The following PTPN11 variants were observed in gnomAD, a reference collection of about 807,000 sequenced individuals.
The protein encoded by PTPN11 is protein tyrosine phosphatase non-receptor type 11.
A neutral mutation model predicts 78.8 loss-of-function variants in PTPN11; 6 were observed. That is an observed-to-expected ratio of 0.08 (90% CI 0.04 to 0.15). PTPN11 has a LOEUF of 0.15. Ranked by LOEUF, PTPN11 falls within the 10% of genes least tolerant of loss-of-function variation. The probability of loss-of-function intolerance (pLI) is 1.00; values close to 1 mark genes in which losing one functional copy is unlikely to be tolerated. For synonymous variants in PTPN11, 221 were observed against 263.5 expected (o/e 0.84, Z 1.56); for missense variants, 386 against 744.8 (o/e 0.52, Z 5.61).
intron 1 of PTPN11, among the ~76,000 whole-genome samples, chr12:112,438,683 A>G (rs2037834178): frequency 6.6e-6 from 1 of 152,112 alleles, no homozygotes; most frequent in Non-Finnish European, 1.5e-5. Context: ...GGGTTTCACC[A>G]TGTTGGCTAG....
chr12:112,455,694 A>T (rs1170762135), intron 5 of PTPN11, among the ~76,000 whole-genome samples: 1 of 152,198 alleles, frequency 6.6e-6, no homozygotes, highest in African/African-American at 2.4e-5. Context: ...TGGTCTATTC[A>T]TAAAGAAAAA....
chr12:112,456,154 G>C (rs1456354079), intron 6 of PTPN11, 91 bp downstream of exon 6: 4 of 859,538 alleles, frequency 4.7e-6, no homozygotes, highest in Admixed American at 2.0e-5. Flanking sequence ...TTGGACCTGA[G>C]AGACTTGAAA....
intron 3 of PTPN11, among the ~76,000 whole-genome samples, chr12:112,452,301 A>C (rs1360203572): frequency 6.6e-6 from 1 of 151,974 alleles, no homozygotes; most frequent in Non-Finnish European, 1.5e-5. Context: ...ATCTCAGCTC[A>C]CTGCAACCTC....
chr12:112,472,993 A>T lies in PTPN11; in HGVS notation c.806A>T (p.Gln269Leu), dbSNP rs794727858. 1 of 1,613,186 alleles carries T rather than the reference A, an allele frequency of 6.2e-7. No individual in the cohort carries two copies. The highest frequency in any genetic ancestry group is 1.3e-5 in the African/African-American group (1 of 74,918). Residue 269 changes from glutamine (Q) to leucine (L), a missense_variant, in exon 7 of 16, where the codon CAA becomes CTA. This residue lies in a region of PTPN11 where 279 missense variants were observed against 503.3 expected (regional missense o/e 0.55). Coordinates refer to ENST00000351677, the MANE Select transcript of PTPN11 (RefSeq NM_002834.5). The part of the protein sequence containing the change: ...CKLLYSRKEG[Q>L]RQENKNKNRY... Reference sequence around the variant, plus strand: ...CTTCTCTACAGCCGAAAAGAGGGTCAAAGGCAAGAAAACAAAAACAAAAAT... The same window carrying T: ...CTTCTCTACAGCCGAAAAGAGGGTCTAAGGCAAGAAAACAAAAACAAAAAT...
chr12:112,491,070 A>C (rs1257502509), intron 13 of PTPN11, among the ~76,000 whole-genome samples: 1 of 152,210 alleles, frequency 6.6e-6, no homozygotes, highest in Admixed American at 6.5e-5. Flanking sequence ...TCAGTGAAAA[A>C]AAGGAATGAT....
intron 13 of PTPN11, among the ~76,000 whole-genome samples, chr12:112,493,734 C>T (rs1468417780): frequency 6.6e-6 from 1 of 152,118 alleles, no homozygotes; most frequent in East Asian, 1.9e-4. Context: ...TACATTAGAT[C>T]TCCAAAATGT....
At chr12:112,477,270 G>A (rs1275624781) in intron 7 of PTPN11, among the ~76,000 whole-genome samples, 1 of 152,070 alleles carries the variant, frequency 6.6e-6, no homozygotes, top group Non-Finnish European at 1.5e-5. Flanking sequence ...ACCTGCCTTG[G>A]CCTCCCAAAG....
At chr12:112,467,454 C>T (rs2038348315) in intron 6 of PTPN11, among the ~76,000 whole-genome samples, 2 of 152,036 alleles carry the variant, frequency 1.3e-5, no homozygotes. Context: ...ATCACATGGC[C>T]GGAGTGGTGG....
At chr12:112,446,547 T>C (rs2037997132) in intron 2 of PTPN11, 149 bp downstream of exon 2, 1 of 1,113,574 alleles carries the variant, frequency 9.0e-7, no homozygotes, top group African/African-American at 1.5e-5. Flanking sequence ...AGTGGCCTCC[T>C]GGACATTTAG....
intron 9 of PTPN11, 78 bp from the exon 10 acceptor site, chr12:112,481,996 A>G: frequency 6.9e-7 from 1 of 1,449,374 alleles, no homozygotes; most frequent in East Asian, 2.3e-5. Flanking sequence ...GCAAGACTTG[A>G]ACATTTGTTT....
chr12:112,485,692 A>C (rs1360841597), intron 10 of PTPN11, among the ~76,000 whole-genome samples: 7 of 152,042 alleles, frequency 4.6e-5, no homozygotes, highest in Non-Finnish European at 1.0e-4. Context: ...ATAGAACAAT[A>C]CTGGCCAGGC....
intron 6 of PTPN11, among the ~76,000 whole-genome samples, chr12:112,466,408 A>C (rs1417520388): frequency 6.6e-6 from 1 of 152,210 alleles, no homozygotes; most frequent in Non-Finnish European, 1.5e-5. Context: ...AAAAGAGAGA[A>C]GTTGAAAAGG....
intron 6 of PTPN11, among the ~76,000 whole-genome samples, chr12:112,465,334 T>TAA (rs2038310172): frequency 6.7e-6 from 1 of 150,058 alleles, no homozygotes; most frequent in Non-Finnish European, 1.5e-5. Context: ...CTAGGGAGGC[T>TAA]AAGGCAGGGA....
rs2038958426 is a variant in PTPN11 at position 112,508,142 on chromosome 12, G to C, written c.*2350G>C. The C allele has an allele frequency of 6.6e-6, 1 of 152,626 alleles. No homozygotes were observed. Among genetic ancestry groups the C allele is most frequent in the Non-Finnish European group, 1.5e-5 (1 of 68,034 alleles). The allele number at this position is 152,626 out of a possible 1,614,324, so 9.5% of individuals were successfully genotyped here. ...CATCTCTGCCTGTTGCTTAAGATCA[G>C]TTGCTTTTATACTCAGAATGGAAAT... On this transcript the variant is annotated 3_prime_UTR_variant, in exon 16 of 16. Transcript: ENST00000351677.
In PTPN11 at chr12:112,504,711, G is replaced by A. The variant is rs567223058; in HGVS notation, c.1729G>A (p.Ala577Thr). 2 of 1,586,772 alleles carry A rather than the reference G, an allele frequency of 1.3e-6. No individual in the cohort carries two copies. The highest frequency in any genetic ancestry group is 2.2e-5 in the East Asian group (1 of 44,740). The change falls in exon 15 of 16, where the codon GCT (alanine) becomes ACT (threonine). Residue 577 changes from alanine (A) to threonine (T), a missense_variant. Around this residue, in one of 3 missense-constraint regions of PTPN11, gnomAD observed 44 missense variants for 59.3 expected, o/e 0.74. Coordinates refer to ENST00000351677, the MANE Select transcript of PTPN11 (RefSeq NM_002834.5). The surrounding 1 kb of genome is among the most constrained non-coding windows in gnomAD (Gnocchi z 4.7). ...PPCAEMREDSARVYENVGLMQ... is the reference protein window; with the variant it reads ...PPCAEMREDSTRVYENVGLMQ... ...TCTCTCCAGAATGAGAGAAGACAGT[G>A]CTAGAGTCTATGAAAACGTGGGCCT...
At chr12:112,446,768 G>C (rs967300134) in intron 2 of PTPN11, among the ~76,000 whole-genome samples, 1 of 151,170 alleles carries the variant, frequency 6.6e-6, no homozygotes, top group African/African-American at 2.4e-5. Context: ...ATAGAGGTGG[G>C]ATCTTCCAAT....
chr12:112,479,254 G>GT (rs986119763), intron 9 of PTPN11, among the ~76,000 whole-genome samples: 101 of 149,842 alleles, frequency 6.7e-4, no homozygotes, highest in African/African-American at 2.2e-3. Context: ...CACCATGGTG[G>GT]TTTTTTTTTT....
intron 3 of PTPN11, among the ~76,000 whole-genome samples, chr12:112,451,475 C>T (rs1160710610): frequency 6.6e-6 from 1 of 152,058 alleles, no homozygotes; most frequent in Admixed American, 6.6e-5. Flanking sequence ...AGATGCTTCC[C>T]AAAAAACATG....
At chr12:112,435,589 C>G in intron 1 of PTPN11, among the ~76,000 whole-genome samples, 1 of 151,224 alleles carries the variant, frequency 6.6e-6, no homozygotes, top group East Asian at 1.9e-4. Context: ...TCTTCACTTT[C>G]CATCTAAGAG....
Sources: allele counts gnomAD v4.1 joint callset (sites outside exome capture counted in the v4.1 genomes callset), GRCh38; gene constraint gnomAD v4.1.1; regional missense constraint gnomAD v4.1.1; non-coding constraint Gnocchi (gnomAD v3.1); transcripts MANE v1.5; gene names NCBI Gene and HGNC (gene_info 2026-07-23, HGNC 2026-07-21).